Variants in ZNF695 observed in about 807,000 individuals in gnomAD.
ZNF695 encodes zinc finger protein 695.
ZNF695 carries 11 observed loss-of-function variants against 11.2 expected under a neutral mutation model. The observed-to-expected ratio is 0.98, with a 90% CI of 0.62 to 1.62. The LOEUF (loss-of-function observed/expected upper bound fraction) is 1.62, where lower values mean the gene tolerates loss of function less well. Ranked by LOEUF, ZNF695 falls within the 40% of genes most tolerant of loss-of-function variation. ZNF695 has a pLI of 0.00. For missense variants in ZNF695, 559 were observed against 590.5 expected (o/e 0.95, Z 0.55); for synonymous variants, 190 against 201.4 (o/e 0.94, Z 0.48).
intron 4 of ZNF695, among the ~76,000 whole-genome samples, chr1:246,970,938 G>C (rs1668408570): frequency 6.6e-6 from 1 of 152,120 alleles, no homozygotes; most frequent in Non-Finnish European, 1.5e-5. Flanking sequence ...AGCCCTATTG[G>C]GTCTGTGGGT....
In ZNF695 at chr1:246,987,280, T is replaced by C. The variant is rs184552888; in HGVS notation, c.1235A>G (p.Glu412Gly). 185 of 1,614,062 alleles carry C rather than the reference T, an allele frequency of 1.1e-4. No individual in the cohort carries two copies. In the African/African-American group the frequency reaches 2.2e-3, roughly 20 times the overall value. Residue 412 changes from glutamate to glycine, a missense_variant, in exon 4 of 4, where the codon GAA (glutamate) becomes GGA (glycine). Coordinates refer to ENST00000339986, the MANE Select transcript of ZNF695 (RefSeq NM_020394.5). ...HTGQKPYKCEECGKAFTWFSY... is the reference protein window; with the variant it reads ...HTGQKPYKCEGCGKAFTWFSY... ...AAACCAGGTAAAAGCTTTGCCACAT[T>C]CCTCACATTTGTAGGGTTTCTGCCC...
At chr1:246,971,365 TCACAGGGAGACGGTCAG>T (rs1375018324) in intron 4 of ZNF695, among the ~76,000 whole-genome samples, 1 of 152,222 alleles carries the variant, frequency 6.6e-6, no homozygotes, top group Non-Finnish European at 1.5e-5. Flanking sequence ...AAGCACAGCA[TCACAGGGAGACGGTCAG>T]GCCTCCGGAT....
At chr1:246,984,564 C>A (rs1053569778), downstream of ZNF695, among the ~76,000 whole-genome samples, 1 of 152,124 alleles carries the variant, frequency 6.6e-6, no homozygotes, top group East Asian at 1.9e-4. Context: ...TCTGGCACTG[C>A]GTTATGTTTC....
At chr1:246,945,638 G>T, downstream of ZNF695, 4 of 695,916 alleles carry the variant, frequency 5.7e-6, no homozygotes, top group Non-Finnish European at 9.4e-6. Context: ...CAACATGGAA[G>T]AACAATCTTC....
intron 5 of ZNF695, among the ~76,000 whole-genome samples, chr1:246,959,934 A>G (rs1668122674): frequency 6.6e-6 from 1 of 152,222 alleles, no homozygotes; most frequent in Non-Finnish European, 1.5e-5. Flanking sequence ...GTTCCGTAGC[A>G]ATGTATGAGT....
intron 3 of ZNF695, among the ~76,000 whole-genome samples, chr1:246,989,993 C>G (rs577741510): frequency 7.4e-6 from 1 of 135,290 alleles, no homozygotes; most frequent in East Asian, 2.2e-4. Flanking sequence ...ACAGTGAGAC[C>G]CCATCTTGAA....
chr1:246,975,661 T>C (rs1341772218), intron 4 of ZNF695, among the ~76,000 whole-genome samples: 2 of 152,132 alleles, frequency 1.3e-5, no homozygotes, highest in African/African-American at 4.8e-5. Flanking sequence ...TGAGGAGTAA[T>C]CATGAGGCAG....
chr1:246,972,870 C>CAAAAA, intron 4 of ZNF695, among the ~76,000 whole-genome samples: 1 of 150,376 alleles, frequency 6.6e-6, no homozygotes. Flanking sequence ...CAGGTGCTTT[C>CAAAAA]AGAAAAAAAA....
At chr1:247,007,766 G>T in intron 1 of ZNF695, 140 bp downstream of exon 1, 4 of 980,554 alleles carry the variant, frequency 4.1e-6, no homozygotes, top group Non-Finnish European at 5.5e-6. Flanking sequence ...TGAGGGCCGA[G>T]CTGCGCCAGC....
At chr1:246,970,492 G>A (rs1206237964) in intron 4 of ZNF695, among the ~76,000 whole-genome samples, 1 of 152,202 alleles carries the variant, frequency 6.6e-6, no homozygotes, top group African/African-American at 2.4e-5. Context: ...TATTGAAGAG[G>A]AAGAAGCTAT....
intron 5 of ZNF695, among the ~76,000 whole-genome samples, chr1:246,964,866 C>T (rs1041961587): frequency 1.3e-5 from 2 of 151,106 alleles, no homozygotes; most frequent in Non-Finnish European, 3.0e-5. Context: ...GTGAGTGAGA[C>T]TCTGTCTCAA....
intron 5 of ZNF695, among the ~76,000 whole-genome samples, chr1:246,961,083 A>G (rs1173874599): frequency 6.6e-6 from 1 of 152,214 alleles, no homozygotes; most frequent in Non-Finnish European, 1.5e-5. Context: ...TGAAATTCAT[A>G]GTAGGGTCAG....
At chr1:246,970,739 C>T (rs148411798) in intron 4 of ZNF695, among the ~76,000 whole-genome samples, 92 of 152,298 alleles carry the variant, frequency 6.0e-4, no homozygotes, top group Middle Eastern at 3.4e-3. Context: ...CTTAGTAGAA[C>T]GGCTAAAAAC....
At chr1:246,989,088 C>T (rs533969648) in intron 3 of ZNF695, among the ~76,000 whole-genome samples, 20 of 133,808 alleles carry the variant, frequency 1.5e-4, no homozygotes, top group East Asian at 1.4e-3. Context: ...AGCGAGACTC[C>T]GTCTCAGAAA....
chr1:246,979,129 C>T (rs1437669640), intron 4 of ZNF695, among the ~76,000 whole-genome samples: 1 of 152,116 alleles, frequency 6.6e-6, no homozygotes, highest in African/African-American at 2.4e-5. Flanking sequence ...TTTACATGGC[C>T]TGGGCTGGAA....
intron 4 of ZNF695, among the ~76,000 whole-genome samples, chr1:246,975,891 T>C (rs921569635): frequency 3.9e-5 from 6 of 152,046 alleles, no homozygotes; most frequent in African/African-American, 1.5e-4. Context: ...GAACAACTTA[T>C]TCTATTAGGC....
rs903826394 is a variant in ZNF695, at chr1:246,986,986, T to A, written c.1529A>T (p.His510Leu). 1.3e-6 allele frequency: 2 copies of A among 1,585,206 alleles called. No homozygotes were observed. The highest frequency in any genetic ancestry group is 2.3e-5 in the South Asian group (2 of 85,762). ...TTTTTCTCAGGTATGAGTTTTCTCA[T>A]GTACAGCAAGTTGTGCAGAGTGGTT... ...AFNHSAQLAV[H>L]EKTHT The change falls in exon 4 of 4, where the codon CAT becomes CTT. Residue 510 changes from histidine to leucine, a missense_variant. By Grantham distance (99) the His-to-Leu change is moderately conservative. Transcript: ENST00000339986.
At chr1:246,965,957 T>C (rs910415067) in intron 5 of ZNF695, among the ~76,000 whole-genome samples, 1 of 150,888 alleles carries the variant, frequency 6.6e-6, no homozygotes, top group Non-Finnish European at 1.5e-5. Flanking sequence ...ATATTTTATA[T>C]ATATATCTTT....
At chr1:246,955,985 A>AT (rs74163714) in intron 5 of ZNF695, among the ~76,000 whole-genome samples, 3,920 of 132,036 alleles carry the variant, frequency 0.03, 106 homozygotes, top group African/African-American at 0.074. Context: ...TTTGGATTGG[A>AT]TTTTTTTTTT....
Sources: gnomAD v4.1 joint callset for allele counts (sites outside exome capture counted in the v4.1 genomes callset) on GRCh38, gnomAD v4.1.1 for gene constraint, MANE v1.5 for transcripts, NCBI Gene and HGNC (gene_info 2026-07-23, HGNC 2026-07-21) for gene names.